IFT122: variants seen among roughly 807,000 people sequenced by gnomAD.
IFT122 encodes the protein intraflagellar transport protein 122 homolog.
IFT122 carries 118 observed loss-of-function variants against 161.6 expected under a neutral mutation model. That is an observed-to-expected ratio of 0.73 (90% CI 0.63 to 0.85). The LOEUF (loss-of-function observed/expected upper bound fraction) is 0.85. Ranked by LOEUF, IFT122 falls within the 40% of genes least tolerant of loss-of-function variation. The probability of loss-of-function intolerance (pLI) is 0.00; values close to 1 mark genes in which losing one functional copy is unlikely to be tolerated. For missense variants in IFT122, 1,381 were observed against 1,579.6 expected, an observed-to-expected ratio of 0.87 and a Z score of 2.13; for synonymous variants, 550 against 602.4, an observed-to-expected ratio of 0.91 and a Z score of 1.27.
rs1268071941 is a variant in IFT122 at position 129,476,350 on chromosome 3, C to T, written c.852C>T (p.Cys284=). 23 of 1,614,228 alleles carry T rather than the reference C, an allele frequency of 1.4e-5. No individual in the cohort carries two copies. Among genetic ancestry groups the T allele is most frequent in the Non-Finnish European group, 1.9e-5 (23 of 1,180,050 alleles). The change falls in exon 10 of 30, where the codon TGC becomes TGT. Residue 284 remains cysteine, a synonymous_variant. Coordinates refer to ENST00000348417, the MANE Select transcript of IFT122 (RefSeq NM_052989.3). ...ATCGGGCACTGAACTTTGACCCCTGCTGCATCAGCTACTTTACTAAAGGCG... is the reference window on the plus strand; with the variant it reads ...ATCGGGCACTGAACTTTGACCCCTGTTGCATCAGCTACTTTACTAAAGGCG... ...GKDRALNFDP[C]CISYFTKGEY... is the part of the protein sequence containing the mutation.
chr3:129,514,299 T>C (rs2083200245), intron 24 of IFT122, 90 bp from the exon 25 acceptor site: 2 of 1,417,394 alleles, frequency 1.4e-6, no homozygotes, highest in Admixed American at 3.8e-5. Flanking sequence ...GCACAAGCTG[T>C]GTTCCAGCCT....
chr3:129,480,787 T>G (rs1032242892), intron 13 of IFT122, among the ~76,000 whole-genome samples: 2 of 152,154 alleles, frequency 1.3e-5, no homozygotes, highest in African/African-American at 4.8e-5. Context: ...GTGAGGCTGG[T>G]TTTACATGAG....
chr3:129,463,246 T>TTCGGTGGTC, intron 5 of IFT122: 2 of 325,540 alleles, frequency 6.1e-6, no homozygotes, highest in Admixed American at 4.3e-5. Flanking sequence ...ATGTGTAGAT[T>TTCGGTGGTC]GCCATCAGCG....
chr3:129,485,320 G>A (rs1559933018), intron 15 of IFT122, among the ~76,000 whole-genome samples: 1 of 152,158 alleles, frequency 6.6e-6, no homozygotes, highest in Non-Finnish European at 1.5e-5. Flanking sequence ...CTCAGCTTCA[G>A]GCTAGAGCCC....
At chr3:129,446,482 TG>T (rs1385841270) in intron 1 of IFT122, among the ~76,000 whole-genome samples, 2 of 152,174 alleles carry the variant, frequency 1.3e-5, no homozygotes, top group African/African-American at 4.8e-5. Context: ...CCCAAAGTGC[TG>T]GGATTACAGG....
chr3:129,494,909 G>A (rs1332035228), intron 17 of IFT122, among the ~76,000 whole-genome samples: 1 of 152,182 alleles, frequency 6.6e-6, no homozygotes, highest in Non-Finnish European at 1.5e-5. Flanking sequence ...GGCCATGTGT[G>A]TATAAAGTAT....
intron 12 of IFT122, among the ~76,000 whole-genome samples, chr3:129,479,159 G>A (rs1271347317): frequency 6.7e-6 from 1 of 150,004 alleles, no homozygotes; most frequent in Non-Finnish European, 1.5e-5. Flanking sequence ...AGTGGCTCAT[G>A]CCTGTAAATC....
At position 129,479,881 on chromosome 3, in the gene IFT122, C is replaced by T. The variant is rs781635627; in HGVS notation, c.1447C>T (p.Pro483Ser). The T allele has an allele frequency of 6.2e-7, 1 of 1,614,008 alleles. No homozygotes were observed. Among genetic ancestry groups the T allele is most frequent in the South Asian group, 1.1e-5 (1 of 91,066 alleles). ...TTACATCAAGGTGATCGGTGGCCCT[C>T]CTGGAAGAGAAGGCCTCTTAGTGGG... ...IRYIKVIGGPPGREGLLVGLK... is the reference protein window; with the variant it reads ...IRYIKVIGGPSGREGLLVGLK... Residue 483 changes from proline (P) to serine (S), a missense_variant, in exon 13 of 30, where the codon CCT becomes TCT. Pro to Ser is a moderately conservative substitution (Grantham distance 74). Transcript: ENST00000348417.
chr3:129,466,299 C>T (rs1287858055), intron 7 of IFT122, among the ~76,000 whole-genome samples: 1 of 152,076 alleles, frequency 6.6e-6, no homozygotes, highest in African/African-American at 2.4e-5. Flanking sequence ...TTGGCCCATG[C>T]TGTACCATGC....
At chr3:129,458,511 C>T (rs2075800006) in intron 3 of IFT122, 88 bp from the exon 4 acceptor site, 4 of 1,114,214 alleles carry the variant, frequency 3.6e-6, no homozygotes, top group African/African-American at 1.5e-5. Context: ...TACTAGGTAC[C>T]TTAAAGAACT....
intron 18 of IFT122, among the ~76,000 whole-genome samples, chr3:129,495,818 G>C (rs2080770092): frequency 6.6e-6 from 1 of 152,228 alleles, no homozygotes; most frequent in Admixed American, 6.5e-5. Flanking sequence ...CACCAAGGGG[G>C]CAGACTATGG....
intron 26 of IFT122, 55 bp downstream of exon 26, chr3:129,515,654 C>G (rs1222980305): frequency 2.8e-6 from 4 of 1,452,488 alleles, no homozygotes; most frequent in Non-Finnish European, 3.9e-6. Context: ...CAGCCAGGCT[C>G]ACTCCACTGC....
chr3:129,451,265 ATTTTTATTTT>A (rs1357126884), intron 2 of IFT122, among the ~76,000 whole-genome samples: 3 of 151,538 alleles, frequency 2.0e-5, no homozygotes, highest in African/African-American at 7.3e-5. Flanking sequence ...CGTCCACCTA[ATTTTTATTTT>A]TTTTTATTTT....
chr3:129,492,822 T>C (rs536936823), intron 17 of IFT122, among the ~76,000 whole-genome samples: 6 of 150,332 alleles, frequency 4.0e-5, no homozygotes, highest in East Asian at 1.9e-4. Context: ...TTTTCTTTTT[T>C]TTTTTTTTTT....
intron 16 of IFT122, among the ~76,000 whole-genome samples, chr3:129,490,688 G>C (rs948341998): frequency 6.6e-6 from 1 of 152,182 alleles, no homozygotes. Context: ...CTCAGACCTC[G>C]AATGCTCCTT....
At chr3:129,467,869 G>A (rs1473382413) in intron 8 of IFT122, among the ~76,000 whole-genome samples, 2 of 152,184 alleles carry the variant, frequency 1.3e-5, no homozygotes, top group African/African-American at 4.8e-5. Flanking sequence ...AAGGAGGAAG[G>A]TATGGCTTTG....
chr3:129,488,267 T>C lies in IFT122; in HGVS notation c.1862T>C (p.Met621Thr). Residue 621 changes from methionine (M) to threonine (T), a missense_variant, in exon 16 of 30, where the codon ATG becomes ACG. Around this residue, in one of 7 missense-constraint regions of IFT122, gnomAD observed 544 missense variants for 648.0 expected, o/e 0.84. Coordinates refer to ENST00000348417, the MANE Select transcript of IFT122 (RefSeq NM_052989.3). ...GATGAAATCCTGCAGTCCGCTCCCA[T>C]GTACCAGTACCTGGATAGGAAACTG... ...SAVEVPQSAP[M>T]YQYLDRKLFK... The C allele has an allele frequency of 6.2e-7, 1 of 1,614,180 alleles. No homozygotes were observed. Among genetic ancestry groups the C allele is most frequent in the South Asian group, 1.1e-5 (1 of 91,088 alleles).
intron 17 of IFT122, among the ~76,000 whole-genome samples, chr3:129,494,033 T>G (rs1385416675): frequency 6.6e-6 from 1 of 152,182 alleles, no homozygotes; most frequent in Admixed American, 6.5e-5. Context: ...AGATCCTTAG[T>G]GGGTGCCTTT....
Position 129,495,392 on chromosome 3 carries a change from C to T in IFT122, c.2047-54C>T, listed in dbSNP as rs140567547. Reference sequence around the variant, plus strand: ...TAGCCACATCTAACCTTTGTAAAGGCTGCTTCCTGCCCATGGCTGCAGAGG... The same window carrying T: ...TAGCCACATCTAACCTTTGTAAAGGTTGCTTCCTGCCCATGGCTGCAGAGG... On this transcript the variant is annotated intron_variant, in intron 17 of 29. Coordinates refer to ENST00000348417, the MANE Select transcript of IFT122 (RefSeq NM_052989.3). 3.2e-4 allele frequency: 519 copies of T among 1,606,524 alleles called. 2 individuals carry two copies. The African/African-American group carries it at 5.8e-3, about 18-fold the overall frequency.
Sources: gnomAD v4.1 joint callset for allele counts (sites outside exome capture counted in the v4.1 genomes callset) on GRCh38, gnomAD v4.1.1 for gene constraint, gnomAD v4.1.1 regional missense constraint, MANE v1.5 for transcripts, NCBI Gene and HGNC (gene_info 2026-07-23, HGNC 2026-07-21) for gene names.